BRME1: variants seen among roughly 807,000 people sequenced by gnomAD.
BRME1 encodes the protein break repair meiotic recombinase recruitment factor 1, also known as BRCA2 and MEILB2-associating protein 1.
In BRME1, 31 loss-of-function variants were observed where a neutral mutation model predicts 52.6. The ratio of observed to expected loss-of-function variants is 0.59; its 90% CI spans 0.44 to 0.80. The LOEUF (loss-of-function observed/expected upper bound fraction) is 0.80. Ranked by LOEUF, BRME1 falls within the 30% of genes least tolerant of loss-of-function variation. The pLI, the probability that BRME1 is intolerant of heterozygous loss-of-function variation, is 0.00. For missense variants in BRME1, 804 were observed against 860.3 expected, an observed-to-expected ratio of 0.93 and a Z score of 0.82; for synonymous variants, 359 against 353.6, an observed-to-expected ratio of 1.02 and a Z score of -0.17.
chr19:13,885,840 G>T, intron 7 of BRME1, 121 bp downstream of exon 7: 2 of 799,410 alleles, frequency 2.5e-6, no homozygotes, highest in Non-Finnish European at 4.1e-6. Context: ...CAGCTCCCCT[G>T]CTGGACTGAG....
Position 13,883,478 on chromosome 19 carries a change from C to T in BRME1, c.1764-78G>A, listed in dbSNP as rs1267547634. The T allele has an allele frequency of 4.6e-6, 5 of 1,076,614 alleles. No homozygotes were observed. The highest frequency in any genetic ancestry group is 2.2e-4 in the Middle Eastern group (1 of 4,584). 66.7% of individuals were successfully genotyped at this position (1,076,614 alleles called of 1,614,324 possible). A position where few individuals can be genotyped will look rare whatever the true frequency, so the allele number is the denominator to read the frequency against. On this transcript the variant is annotated intron_variant, in intron 7 of 8. Coordinates refer to ENST00000586783, the MANE Select transcript of BRME1 (RefSeq NM_001345843.2). The surrounding 1 kb of genome is among the most constrained non-coding windows in gnomAD (Gnocchi z 4.2). ...AGCTCTCCAGTGGGAGGGGCTTCCG[C>T]AGGGCCTCGCGCCATCTTTTCCAGG... is the stretch of plus-strand genomic sequence containing the variant.
chr19:13,904,836 A>G (rs752566695), intron 2 of BRME1, 26 bp downstream of exon 2: 17 of 1,611,540 alleles, frequency 1.1e-5, no homozygotes, highest in South Asian at 2.2e-5. Context: ...GCAGAAATCA[A>G]CAAGTGTCCA....
chr19:13,896,805 C>T (rs1969937006), intron 2 of BRME1, among the ~76,000 whole-genome samples: 2 of 151,732 alleles, frequency 1.3e-5, no homozygotes, highest in African/African-American at 4.8e-5. Flanking sequence ...ATCCTCCCAC[C>T]TCAGGCCACT....
rs1969643818 is a variant in BRME1 at position 13,893,228 on chromosome 19, G to A, written c.207-5C>T. The stretch of plus-strand genomic sequence containing the variant: ...CCTGTTTCCTCATCAGGGGAGCTAT[G>A]TAGGAAAAGATAAAACTGAAGGAGA... On this transcript the variant is annotated splice_region_variant and splice_polypyrimidine_tract_variant and intron_variant, in intron 3 of 8. Transcript: ENST00000586783. The A allele has an allele frequency of 6.3e-7, 1 of 1,575,348 alleles. No homozygotes were observed. The highest frequency in any genetic ancestry group is 8.6e-7 in the Non-Finnish European group (1 of 1,161,018).
At chr19:13,899,100 C>T (rs1359082386) in intron 2 of BRME1, among the ~76,000 whole-genome samples, 3 of 151,824 alleles carry the variant, frequency 2.0e-5, no homozygotes, top group African/African-American at 7.3e-5. Flanking sequence ...GTTTGCCCTC[C>T]ACTAAACCAC....
chr19:13,891,135 T>TTTTTTTTTTTTATTATTA lies in BRME1; in HGVS notation c.394-674_394-673insTAATAATAAAAAAAAAAA, dbSNP rs59151567. 8.7e-4 allele frequency among the ~76,000 whole-genome samples: 127 copies of TTTTTTTTTTTTATTATTA among 146,666 alleles called. 1 individual carries two copies. Among genetic ancestry groups the TTTTTTTTTTTTATTATTA allele is most frequent in the African/African-American group, 3.2e-3 (124 of 38,826 alleles). ...AGACCACACCAATGTCAATTTCCTG[T>TTTTTTTTTTTTATTATTA]TTATTATTATTATTATTATTATTAT... On this transcript the variant is annotated intron_variant, in intron 5 of 8. Transcript: ENST00000586783.
chr19:13,896,317 A>G (rs1969887836), intron 2 of BRME1, among the ~76,000 whole-genome samples: 1 of 148,128 alleles, frequency 6.8e-6, no homozygotes, highest in African/African-American at 2.4e-5. Context: ...ATACATACAT[A>G]TTCATATTTA....
Position 13,889,496 on chromosome 19 carries a change from G to A in BRME1, c.1360C>T (p.Pro454Ser), listed in dbSNP as rs745870796. ...PCVNQKQEPG[P>S]AQEEAELGGQ... ...CCTAACTCGGCTTCCTCTTGAGCAG[G>A]ACCTGGCTCCTGCTTCTGATTGACA... The change falls in exon 6 of 9, where the codon CCT becomes TCT. Residue 454 changes from proline to serine, a missense_variant. By Grantham distance (74) the Pro-to-Ser change is moderately conservative. Coordinates refer to ENST00000586783, the MANE Select transcript of BRME1 (RefSeq NM_001345843.2). 3.1e-6 allele frequency: 5 copies of A among 1,613,798 alleles called. No individual in the cohort carries two copies. In the African/African-American group the frequency reaches 5.3e-5, roughly 17 times the overall value.
chr19:13,885,731 G>C (rs1968963241), intron 7 of BRME1, among the ~76,000 whole-genome samples: 1 of 152,236 alleles, frequency 6.6e-6, no homozygotes, highest in African/African-American at 2.4e-5. Flanking sequence ...GGAGCTTCTG[G>C]GTGGGGAGAT....
intron 3 of BRME1, among the ~76,000 whole-genome samples, chr19:13,894,584 T>C (rs1969749121): frequency 6.6e-6 from 1 of 152,212 alleles, no homozygotes; most frequent in Non-Finnish European, 1.5e-5. Flanking sequence ...AATTATTTTA[T>C]TTCTTGTAGA....
rs780821406 is a variant in BRME1, at chr19:13,882,903, T to C, written c.1906A>G (p.Asn636Asp). The change falls in exon 9 of 9, where the codon AAC becomes GAC. Residue 636 changes from asparagine to aspartate, a missense_variant. By Grantham distance (23) the Asn-to-Asp change is conservative (BLOSUM62 1). This residue lies in a region of BRME1 where 552 missense variants were observed against 561.1 expected (regional missense o/e 0.98). Coordinates refer to ENST00000586783, the MANE Select transcript of BRME1 (RefSeq NM_001345843.2). ...HRDLEAFKRL[N>D]YRKTKLGGKA... ...CCTCCCAGCTTTGTCTTCCGGTAGTTAAGGCGCTTGAAAGCTTCCAGGTCC... is the reference window on the plus strand; with the variant it reads ...CCTCCCAGCTTTGTCTTCCGGTAGTCAAGGCGCTTGAAAGCTTCCAGGTCC... 10 of 1,613,390 alleles carry C rather than the reference T, an allele frequency of 6.2e-6. No individual in the cohort carries two copies. Among genetic ancestry groups the C allele is most frequent in the East Asian group, 2.2e-5 (1 of 44,832 alleles).
intron 6 of BRME1, among the ~76,000 whole-genome samples, chr19:13,886,714 C>G (rs775003334): frequency 1.4e-5 from 2 of 146,630 alleles, no homozygotes; most frequent in African/African-American, 2.6e-5. Flanking sequence ...AATCCCAGCA[C>G]TTTGGAAGGC....
chr19:13,892,954 A>T, intron 4 of BRME1, 64 bp from the exon 5 acceptor site: 1 of 1,509,592 alleles, frequency 6.6e-7, no homozygotes, highest in Non-Finnish European at 9.2e-7. Flanking sequence ...TCTTAGGAAA[A>T]AAGCAACCCC....
intron 6 of BRME1, among the ~76,000 whole-genome samples, 170 bp from the exon 7 acceptor site, chr19:13,886,225 C>T (rs1402645734): frequency 2.0e-5 from 3 of 152,240 alleles, no homozygotes; most frequent in East Asian, 1.9e-4. Context: ...AGGAAATCCA[C>T]GATGGGTAGA....
rs1280178081 is a variant in BRME1 at position 13,903,705 on chromosome 19, G to T, written c.31+1157C>A. 4.0e-5 allele frequency among the ~76,000 whole-genome samples: 6 copies of T among 150,170 alleles called. No individual in the cohort carries two copies. In the South Asian group the frequency reaches 1.3e-3, roughly 32 times the overall value. On this transcript the variant is annotated intron_variant, in intron 2 of 8. Transcript: ENST00000586783. ...AAAAAAAATAAAGTCTCCAAACATT[G>T]CCAGCTGTCTCTGGAGGTCAAAATC...
At chr19:13,896,069 A>C (rs940639522) in intron 2 of BRME1, among the ~76,000 whole-genome samples, 2 of 152,216 alleles carry the variant, frequency 1.3e-5, no homozygotes, top group East Asian at 3.8e-4. Context: ...CAGGAGTTCA[A>C]GACCAGCCTG....
At chr19:13,882,977 T>C in intron 8 of BRME1, 25 bp from the exon 9 acceptor site, 2 of 1,606,904 alleles carry the variant, frequency 1.2e-6, no homozygotes, top group Non-Finnish European at 1.7e-6. Flanking sequence ...CAGGCATGCG[T>C]GTGGGGCTCA....
In BRME1 at chr19:13,882,866, A is replaced by G. The variant is rs1599310144; in HGVS notation, c.1943T>C (p.Leu648Pro). Residue 648 changes from leucine to proline, a missense_variant, in exon 9 of 9, where the codon CTG (leucine) becomes CCG (proline). Leu to Pro is a moderately conservative substitution (Grantham distance 98). Coordinates refer to ENST00000586783, the MANE Select transcript of BRME1 (RefSeq NM_001345843.2). Reference sequence around the variant, plus strand: ...CCCAGGCCCCTTGGAAGGGTAAGGCAGGGGGGCTTTGCCTCCCAGCTTTGT... The same window carrying G: ...CCCAGGCCCCTTGGAAGGGTAAGGCGGGGGGGCTTTGCCTCCCAGCTTTGT... ...RKTKLGGKAP[L>P]PYPSKGPGNI... 4 of 1,613,850 alleles carry G rather than the reference A, an allele frequency of 2.5e-6. No homozygotes were observed. Among genetic ancestry groups the G allele is most frequent in the Non-Finnish European group, 2.5e-6 (3 of 1,179,922 alleles).
Position 13,883,175 on chromosome 19 carries a change from G to T in BRME1, c.1856+133C>A. On this transcript the variant is annotated intron_variant, in intron 8 of 8. Transcript: ENST00000586783. This position sits in a 1 kb window ranked among gnomAD's most constrained non-coding sequence, Gnocchi z 4.2. ...GGACGGGGGAGGGGGGCCACGGTGA[G>T]GACCCAGCAGCAGTGAGGTGCCTGA... 1 of 977,294 alleles carries T rather than the reference G, an allele frequency of 1.0e-6. No individual in the cohort carries two copies. The highest frequency in any genetic ancestry group is 1.5e-6 in the Non-Finnish European group (1 of 663,132). 60.5% of individuals were successfully genotyped at this position (977,294 alleles called of 1,614,324 possible).
Sources: gnomAD v4.1 joint callset for allele counts (sites outside exome capture counted in the v4.1 genomes callset) on GRCh38, gnomAD v4.1.1 for gene constraint, gnomAD v4.1.1 regional missense constraint, Gnocchi (gnomAD v3.1) non-coding constraint, MANE v1.5 for transcripts, NCBI Gene and HGNC (gene_info 2026-07-23, HGNC 2026-07-21) for gene names.